CDPF1: variants seen among roughly 807,000 people sequenced by gnomAD.
CDPF1 encodes cysteine rich DPF motif domain containing 1.
Under a neutral mutation model 8.3 loss-of-function variants are expected in CDPF1, and 8 were observed. That is an observed-to-expected ratio of 0.96 (90% CI 0.57 to 1.74). CDPF1 has a LOEUF of 1.74. Among genes scored for constraint, CDPF1 ranks in the 40% most tolerant of loss-of-function variants. The probability of loss-of-function intolerance (pLI) is 0.00; values close to 1 mark genes in which losing one functional copy is unlikely to be tolerated. For synonymous variants in CDPF1, 62 were observed against 62.9 expected, an observed-to-expected ratio of 0.99 and a Z score of 0.07; for missense variants, 151 against 155.3, an observed-to-expected ratio of 0.97 and a Z score of 0.15.
rs1239652677 is a variant in CDPF1 at position 46,245,135 on chromosome 22, G to C, written c.329C>G (p.Ala110Gly). Residue 110 changes from alanine (A) to glycine (G), a missense_variant, in exon 4 of 4, where the codon GCT becomes GGT. Transcript: ENST00000314567. The surrounding 1 kb of genome is among the most constrained non-coding windows in gnomAD (Gnocchi z 6.9). ...EIRQDLEKRK[A>G]PSKRTPSQPG... Reference sequence around the variant, plus strand: ...CTGGCTGGGGGTCCTCTTTGATGGAGCTTTCCTTTTCTCCAAGTCTTGCCG... The same window carrying C: ...CTGGCTGGGGGTCCTCTTTGATGGACCTTTCCTTTTCTCCAAGTCTTGCCG... 1.2e-6 allele frequency: 2 copies of C among 1,614,276 alleles called. No homozygotes were observed. Among genetic ancestry groups the C allele is most frequent in the Non-Finnish European group, 1.7e-6 (2 of 1,180,044 alleles).
In CDPF1 at chr22:46,248,088, C is replaced by T. The variant is rs1936519019; in HGVS notation, c.113+84G>A. ...GGGGTCTAAAGCTCCACACCTGAGA[C>T]AGTTGTCAGACCTAGGCACACCACC... On this transcript the variant is annotated intron_variant, in intron 2 of 3. Transcript: ENST00000314567. This position sits in a 1 kb window ranked among gnomAD's most constrained non-coding sequence, Gnocchi z 4.1. The T allele has an allele frequency of 1.3e-5, 11 of 871,958 alleles. No individual in the cohort carries two copies. The highest frequency in any genetic ancestry group is 2.0e-5 in the Non-Finnish European group (11 of 545,344). 54.0% of individuals were successfully genotyped at this position (871,958 alleles called of 1,614,324 possible). A position where few individuals can be genotyped will look rare whatever the true frequency, so the allele number is the denominator to read the frequency against.
rs1936544861 is a variant in CDPF1, at chr22:46,249,609, A to T, written c.-1+647T>A. Among the ~76,000 whole-genome samples the T allele has an allele frequency of 6.6e-6, 1 of 152,160 alleles. No homozygotes were observed. Among genetic ancestry groups the T allele is most frequent in the African/African-American group, 2.4e-5 (1 of 41,428 alleles). ...GATTGCAGTGAGCCGAGATTGTGCC[A>T]CTGTACTCCAGCCTGGGCGACAGGG... On this transcript the variant is annotated intron_variant, in intron 1 of 3. Transcript: ENST00000314567. This position sits in a 1 kb window ranked among gnomAD's most constrained non-coding sequence, Gnocchi z 4.6.
chr22:46,248,299 G>C lies in CDPF1; in HGVS notation c.1-15C>G. ...TGGGACGCCATCTGCAAGATCAAGA[G>C]ATGGGGTGTCCCTGGGTCACAGGCT... On this transcript the variant is annotated splice_polypyrimidine_tract_variant and intron_variant, in intron 1 of 3. Transcript: ENST00000314567. This position sits in a 1 kb window ranked among gnomAD's most constrained non-coding sequence, Gnocchi z 4.1. 6.5e-7 allele frequency: 1 copy of C among 1,550,030 alleles called. No homozygotes were observed. Among genetic ancestry groups the C allele is most frequent in the Non-Finnish European group, 8.9e-7 (1 of 1,124,712 alleles).
rs754118914 is a variant in CDPF1, at chr22:46,245,198, C to T, written c.266G>A (p.Cys89Tyr). 1.2e-6 allele frequency: 2 copies of T among 1,614,082 alleles called. No homozygotes were observed. The highest frequency in any genetic ancestry group is 1.3e-5 in the African/African-American group (1 of 74,928). Residue 89 changes from cysteine (C) to tyrosine (Y), a missense_variant, in exon 4 of 4, where the codon TGT becomes TAT. By Grantham distance (194) the Cys-to-Tyr change is radical (BLOSUM62 -2). Coordinates refer to ENST00000314567, the MANE Select transcript of CDPF1 (RefSeq NM_207327.5). The surrounding 1 kb of genome is among the most constrained non-coding windows in gnomAD (Gnocchi z 6.9). ...AAAAGCATTGATGTTCTCCCGGACA[C>T]AAGGGAGGCAGAATCTCTTGGAGTA... is the stretch of plus-strand genomic sequence containing the variant. ...LFYSKRFCLPCVRENINAFPQ... is the reference protein window; with the variant it reads ...LFYSKRFCLPYVRENINAFPQ...
Position 46,246,662 on chromosome 22 carries a change from T to A in CDPF1, c.225+448A>T. The A allele has an allele frequency of 6.4e-7, 1 of 1,560,370 alleles. No homozygotes were observed. The highest frequency in any genetic ancestry group is 8.7e-7 in the Non-Finnish European group (1 of 1,153,068). ...CATCTATAAAATGGGTGGAATATAA[T>A]ACTGCTTTACCTGACTAAGGGGCAG... On this transcript the variant is annotated intron_variant, in intron 3 of 3. Coordinates refer to ENST00000314567, the MANE Select transcript of CDPF1 (RefSeq NM_207327.5). The surrounding 1 kb of genome is among the most constrained non-coding windows in gnomAD (Gnocchi z 7.1).
Position 46,245,382 on chromosome 22 carries a change from G to A in CDPF1, c.226-144C>T, listed in dbSNP as rs1936473351. 1.3e-6 allele frequency: 1 copy of A among 785,226 alleles called. No homozygotes were observed. Among genetic ancestry groups the A allele is most frequent in the African/African-American group, 1.7e-5 (1 of 57,386 alleles). The allele number at this position is 785,226 out of a possible 1,614,324, so 48.6% of individuals were successfully genotyped here. On this transcript the variant is annotated intron_variant, in intron 3 of 3. Coordinates refer to ENST00000314567, the MANE Select transcript of CDPF1 (RefSeq NM_207327.5). This position sits in a 1 kb window ranked among gnomAD's most constrained non-coding sequence, Gnocchi z 6.9. Reference sequence around the variant, plus strand: ...TGGGCAGGTGGCCAGAGCTAGACCAGCAAGAGGGAGAGCCAGGCCTGAGGG... The same window carrying A: ...TGGGCAGGTGGCCAGAGCTAGACCAACAAGAGGGAGAGCCAGGCCTGAGGG...
In CDPF1 at chr22:46,246,936, G is replaced by C; in HGVS notation, c.225+174C>G. Reference sequence around the variant, plus strand: ...TATTTCCATTCCTACACCAGGCTGAGACCCTCTAACTGACCCTAGCTTGCC... The same window carrying C: ...TATTTCCATTCCTACACCAGGCTGACACCCTCTAACTGACCCTAGCTTGCC... On this transcript the variant is annotated intron_variant, in intron 3 of 3. Coordinates refer to ENST00000314567, the MANE Select transcript of CDPF1 (RefSeq NM_207327.5). The surrounding 1 kb of genome is among the most constrained non-coding windows in gnomAD (Gnocchi z 7.1). 3.5e-6 allele frequency: 5 copies of C among 1,410,846 alleles called. No individual in the cohort carries two copies. The highest frequency in any genetic ancestry group is 3.8e-6 in the Non-Finnish European group (4 of 1,044,764). The allele number at this position is 1,410,846 out of a possible 1,614,324, so 87.4% of individuals were successfully genotyped here.
At position 46,246,917 on chromosome 22, in the gene CDPF1, C is replaced by T. The variant is rs963220993; in HGVS notation, c.225+193G>A. The T allele has an allele frequency of 1.7e-5, 24 of 1,433,280 alleles. No homozygotes were observed. In the Admixed American group the frequency reaches 5.3e-4, roughly 32 times the overall value. The allele number at this position is 1,433,280 out of a possible 1,614,324, so 88.8% of individuals were successfully genotyped here. On this transcript the variant is annotated intron_variant, in intron 3 of 3. Coordinates refer to ENST00000314567, the MANE Select transcript of CDPF1 (RefSeq NM_207327.5). This position sits in a 1 kb window ranked among gnomAD's most constrained non-coding sequence, Gnocchi z 7.1. Reference sequence around the variant, plus strand: ...TGCAGAGCCACCAATTACCTATTTCCATTCCTACACCAGGCTGAGACCCTC... The same window carrying T: ...TGCAGAGCCACCAATTACCTATTTCTATTCCTACACCAGGCTGAGACCCTC...
rs1225388858 is a variant in CDPF1, at chr22:46,249,689, C to T, written c.-1+567G>A. 1.4e-5 allele frequency among the ~76,000 whole-genome samples: 2 copies of T among 147,110 alleles called. No individual in the cohort carries two copies. The highest frequency in any genetic ancestry group is 6.8e-5 in the Admixed American group (1 of 14,776). On this transcript the variant is annotated intron_variant, in intron 1 of 3. Coordinates refer to ENST00000314567, the MANE Select transcript of CDPF1 (RefSeq NM_207327.5). The surrounding 1 kb of genome is among the most constrained non-coding windows in gnomAD (Gnocchi z 4.6). ...AAAATTAAATAAAATAAAATATTAG[C>T]CGGGCGTGGGGGCGGGCGCCTCTAA...
At position 46,246,513 on chromosome 22, in the gene CDPF1, T is replaced by C. The variant is rs752443974; in HGVS notation, c.225+597A>G. On this transcript the variant is annotated intron_variant, in intron 3 of 3. Coordinates refer to ENST00000314567, the MANE Select transcript of CDPF1 (RefSeq NM_207327.5). This position sits in a 1 kb window ranked among gnomAD's most constrained non-coding sequence, Gnocchi z 7.1. ...AGATGCTCAGGGACTTCTCAGACTC[T>C]GGGGTCACTCTGAGTACACTGGGCA... 4.6e-5 allele frequency among the ~76,000 whole-genome samples: 7 copies of C among 152,170 alleles called. No individual in the cohort carries two copies. The highest frequency in any genetic ancestry group is 8.8e-5 in the Non-Finnish European group (6 of 68,018).
chr22:46,246,869 C>A lies in CDPF1; in HGVS notation c.225+241G>T. 6.5e-7 allele frequency: 1 copy of A among 1,528,946 alleles called. No homozygotes were observed. Among genetic ancestry groups the A allele is most frequent in the Non-Finnish European group, 8.8e-7 (1 of 1,135,022 alleles). 94.7% of individuals were successfully genotyped at this position (1,528,946 alleles called of 1,614,324 possible). On this transcript the variant is annotated intron_variant, in intron 3 of 3. Transcript: ENST00000314567. This position sits in a 1 kb window ranked among gnomAD's most constrained non-coding sequence, Gnocchi z 7.1. The stretch of plus-strand genomic sequence containing the variant: ...GCACTGTTGGTGGGAAGGGGAGGAA[C>A]CCTGAGGGGCCACTGGGGTGGGTGC...
Position 46,247,337 on chromosome 22 carries a change from G to GT in CDPF1, c.114-117dup. The GT allele has an allele frequency of 1.4e-6, 1 of 718,494 alleles. No individual in the cohort carries two copies. Among genetic ancestry groups the GT allele is most frequent in the Admixed American group, 2.1e-5 (1 of 47,776 alleles). The allele number at this position is 718,494 out of a possible 1,614,324, so 44.5% of individuals were successfully genotyped here. ...ACCTCTGCAGGGCCTGCATACCTGC[G>GT]TGGGCTCATCAGGGCAGGGGACTAG... On this transcript the variant is annotated intron_variant, in intron 2 of 3. Transcript: ENST00000314567. This position sits in a 1 kb window ranked among gnomAD's most constrained non-coding sequence, Gnocchi z 4.3.
chr22:46,249,757 G>A lies in CDPF1; in HGVS notation c.-1+499C>T, dbSNP rs1000941102. ...ACTGAGGTAGGAGAATCGCTTGAGC[G>A]GGGGGTTGGGGAGCGGGGGCTGGGG... On this transcript the variant is annotated intron_variant, in intron 1 of 3. Coordinates refer to ENST00000314567, the MANE Select transcript of CDPF1 (RefSeq NM_207327.5). The surrounding 1 kb of genome is among the most constrained non-coding windows in gnomAD (Gnocchi z 4.6). 3.3e-5 allele frequency among the ~76,000 whole-genome samples: 5 copies of A among 151,222 alleles called. No homozygotes were observed. The highest frequency in any genetic ancestry group is 2.6e-4 in the Admixed American group (4 of 15,206).
Position 46,246,558 on chromosome 22 carries a change from C to T in CDPF1, c.225+552G>A. 7.7e-7 allele frequency: 1 copy of T among 1,305,396 alleles called. No individual in the cohort carries two copies. The highest frequency in any genetic ancestry group is 1.0e-6 in the Non-Finnish European group (1 of 955,482). 80.9% of individuals were successfully genotyped at this position (1,305,396 alleles called of 1,614,324 possible). A position where few individuals can be genotyped will look rare whatever the true frequency, so the allele number is the denominator to read the frequency against. ...TGGGCACGCTGTGAAAGCCATGCTG[C>T]TCCACTTCCATCCGTCCTTGGGTTT... is the stretch of plus-strand genomic sequence containing the variant. On this transcript the variant is annotated intron_variant, in intron 3 of 3. Transcript: ENST00000314567. This position sits in a 1 kb window ranked among gnomAD's most constrained non-coding sequence, Gnocchi z 7.1.
rs1936493365 is a variant in CDPF1 at position 46,246,612 on chromosome 22, C to A, written c.225+498G>T. 1.3e-6 allele frequency: 2 copies of A among 1,527,052 alleles called. No homozygotes were observed. The highest frequency in any genetic ancestry group is 1.2e-5 in the South Asian group (1 of 81,258). 94.6% of individuals were successfully genotyped at this position (1,527,052 alleles called of 1,614,324 possible). ...GCTACCCAGGTGAACCTGGCCCACC[C>A]AGCCTCTCTGAAGCTCAGTTCCCTC... On this transcript the variant is annotated intron_variant, in intron 3 of 3. Transcript: ENST00000314567. This position sits in a 1 kb window ranked among gnomAD's most constrained non-coding sequence, Gnocchi z 7.1.
Position 46,249,949 on chromosome 22 carries a change from G to A in CDPF1, c.-1+307C>T, listed in dbSNP as rs1280388456. 6.6e-6 allele frequency among the ~76,000 whole-genome samples: 1 copy of A among 152,210 alleles called. No individual in the cohort carries two copies. The highest frequency in any genetic ancestry group is 1.5e-5 in the Non-Finnish European group (1 of 68,038). On this transcript the variant is annotated intron_variant, in intron 1 of 3. Transcript: ENST00000314567. This position sits in a 1 kb window ranked among gnomAD's most constrained non-coding sequence, Gnocchi z 4.6. Reference sequence around the variant, plus strand: ...GTCCTAGGCCCCTGCCGAGGCTCCTGGGGGCGGTGCCTGTGAACAGGGACG... The same window carrying A: ...GTCCTAGGCCCCTGCCGAGGCTCCTAGGGGCGGTGCCTGTGAACAGGGACG...
Position 46,249,892 on chromosome 22 carries a change from C to T in CDPF1, c.-1+364G>A, listed in dbSNP as rs890575209. Reference sequence around the variant, plus strand: ...ACGATCGATCGCGGGTGTGCGTGAACCTGATCCCGCTTCTCTTCTGCACGC... The same window carrying T: ...ACGATCGATCGCGGGTGTGCGTGAATCTGATCCCGCTTCTCTTCTGCACGC... On this transcript the variant is annotated intron_variant, in intron 1 of 3. Transcript: ENST00000314567. The surrounding 1 kb of genome is among the most constrained non-coding windows in gnomAD (Gnocchi z 4.6). Among the ~76,000 whole-genome samples the T allele has an allele frequency of 3.9e-5, 6 of 152,192 alleles. No individual in the cohort carries two copies. The highest frequency in any genetic ancestry group is 3.9e-4 in the Admixed American group (6 of 15,288).
chr22:46,247,016 C>G lies in CDPF1; in HGVS notation c.225+94G>C, dbSNP rs1053610027. 1.4e-5 allele frequency: 18 copies of G among 1,278,320 alleles called. No homozygotes were observed. The highest frequency in any genetic ancestry group is 1.7e-5 in the Non-Finnish European group (15 of 907,158). The allele number at this position is 1,278,320 out of a possible 1,614,324, so 79.2% of individuals were successfully genotyped here. ...GGCCCCATCTATAATGGGGTGAACC[C>G]GCTGCTCCCTCTCTCCCAGCCCTCC... On this transcript the variant is annotated intron_variant, in intron 3 of 3. Coordinates refer to ENST00000314567, the MANE Select transcript of CDPF1 (RefSeq NM_207327.5). This position sits in a 1 kb window ranked among gnomAD's most constrained non-coding sequence, Gnocchi z 4.3.
Position 46,247,312 on chromosome 22 carries a change from ACCTC to A in CDPF1, c.114-95_114-92del. 1 of 857,284 alleles carries A rather than the reference ACCTC, an allele frequency of 1.2e-6. No individual in the cohort carries two copies. The highest frequency in any genetic ancestry group is 1.9e-6 in the Non-Finnish European group (1 of 517,842). 53.1% of individuals were successfully genotyped at this position (857,284 alleles called of 1,614,324 possible). A position where few individuals can be genotyped will look rare whatever the true frequency, so the allele number is the denominator to read the frequency against. ...CTATGGCCAGGCAGCAGCAGCCTGC[ACCTC>A]TGCAGGGCCTGCATACCTGCGTGGG... On this transcript the variant is annotated intron_variant, in intron 2 of 3. Coordinates refer to ENST00000314567, the MANE Select transcript of CDPF1 (RefSeq NM_207327.5). This position sits in a 1 kb window ranked among gnomAD's most constrained non-coding sequence, Gnocchi z 4.3.
Sources: gnomAD v4.1 joint callset for allele counts (sites outside exome capture counted in the v4.1 genomes callset) on GRCh38, gnomAD v4.1.1 for gene constraint, Gnocchi (gnomAD v3.1) non-coding constraint, MANE v1.5 for transcripts, NCBI Gene and HGNC (gene_info 2026-07-23, HGNC 2026-07-21) for gene names.